Variants in CDKL3 observed in about 807,000 individuals in gnomAD.
CDKL3 encodes cyclin dependent kinase like 3, also known as cyclin-dependent kinase-like 3.
Under a neutral mutation model 69.3 loss-of-function variants are expected in CDKL3, and 65 were observed. The observed-to-expected ratio is 0.94, with a 90% CI of 0.77 to 1.15. The LOEUF is 1.15. Among genes scored for constraint, CDKL3 ranks in the 50% most tolerant of loss-of-function variants. The probability of loss-of-function intolerance (pLI) is 0.00; values close to 1 mark genes in which losing one functional copy is unlikely to be tolerated. For missense variants in CDKL3, 652 were observed against 689.2 expected, an observed-to-expected ratio of 0.95 and a Z score of 0.61; for synonymous variants, 202 against 221.6, an observed-to-expected ratio of 0.91 and a Z score of 0.79.
chr5:134,368,351 G>A (rs890052947), upstream of CDKL3, among the ~76,000 whole-genome samples: 2 of 152,218 alleles, frequency 1.3e-5, no homozygotes, highest in Non-Finnish European at 2.9e-5. Flanking sequence ...GGGCGCAGTG[G>A]CTAACGCCTG....
intron 4 of CDKL3, among the ~76,000 whole-genome samples, chr5:134,327,925 G>C (rs1447464891): frequency 6.6e-6 from 1 of 152,136 alleles, no homozygotes; most frequent in East Asian, 1.9e-4. Flanking sequence ...AGCAACTAAA[G>C]AGGTTTAATA....
At chr5:134,320,069 G>A (rs1178452469) in intron 5 of CDKL3, among the ~76,000 whole-genome samples, 1 of 152,106 alleles carries the variant, frequency 6.6e-6, no homozygotes, top group Non-Finnish European at 1.5e-5. Flanking sequence ...TTTCTCATCT[G>A]TGAAATGATA....
chr5:134,354,760 A>C (rs554615148), intron 3 of CDKL3, among the ~76,000 whole-genome samples: 1 of 152,256 alleles, frequency 6.6e-6, no homozygotes, highest in East Asian at 1.9e-4. Context: ...CATCCTGGCC[A>C]ACATGGTGAA....
chr5:134,364,411 T>C (rs536632867), intron 2 of CDKL3, among the ~76,000 whole-genome samples: 1 of 152,348 alleles, frequency 6.6e-6, no homozygotes, highest in South Asian at 2.1e-4. Flanking sequence ...TCCCAAACCA[T>C]GTCTCTTTTG....
Position 134,308,377 on chromosome 5 carries a change from CT to C in CDKL3, c.1124del (p.Lys375ArgfsTer27), listed in dbSNP as rs1561516867. ...GGRGDISEPKKKEYEGGLGQQ... is the reference protein window; with the variant it reads ...GGRGDISEPKXKEYEGGLGQQ... Reference sequence around the variant, plus strand: ...GACCAAGTCCACCTTCATACTCTTTCTTTTTTGGTTCTGAGATATCTCCTCT... The same window carrying C: ...GACCAAGTCCACCTTCATACTCTTTCTTTTTGGTTCTGAGATATCTCCTCT... On this transcript the variant is annotated frameshift_variant, in exon 9 of 13. Transcript: ENST00000265334. LOFTEE classifies it high-confidence loss of function. 6.2e-7 allele frequency: 1 copy of C among 1,613,818 alleles called. No individual in the cohort carries two copies. Among genetic ancestry groups the C allele is most frequent in the East Asian group, 2.2e-5 (1 of 44,868 alleles).
chr5:134,298,303 A>G, downstream of CDKL3: 1 of 1,024,358 alleles, frequency 9.8e-7, no homozygotes, highest in Non-Finnish European at 1.2e-6. Flanking sequence ...TGTGTGTTAT[A>G]GGAGATAACT....
intron 5 of CDKL3, 88 bp downstream of exon 5, chr5:134,321,703 C>G: frequency 2.7e-6 from 2 of 746,846 alleles, no homozygotes; most frequent in Non-Finnish European, 4.6e-6. Flanking sequence ...TGTACTTACA[C>G]AGAAAAGCTA....
intron 3 of CDKL3, among the ~76,000 whole-genome samples, chr5:134,354,153 T>C (rs753495137): frequency 4.6e-5 from 7 of 152,174 alleles, no homozygotes; most frequent in Admixed American, 2.0e-4. Context: ...TCCCCCTTCA[T>C]AGCATCTGTC....
chr5:134,293,416 T>A (rs1465943659), intron 8 of CDKL3, among the ~76,000 whole-genome samples: 1 of 152,126 alleles, frequency 6.6e-6, no homozygotes, highest in Non-Finnish European at 1.5e-5. Context: ...AGGAGAATAC[T>A]TCCTAATTCA....
At chr5:134,286,229 G>T (rs764035973), downstream of CDKL3, 6 of 152,280 alleles carry the variant, frequency 3.9e-5, no homozygotes, top group Non-Finnish European at 7.3e-5. Context: ...GCAAAATGCT[G>T]CCAATCTCTT....
At position 134,360,749 on chromosome 5, in the gene CDKL3, G is replaced by T. The variant is rs970527941; in HGVS notation, c.166-658C>A. On this transcript the variant is annotated intron_variant, in intron 2 of 12. Coordinates refer to ENST00000265334, the MANE Select transcript of CDKL3 (RefSeq NM_001113575.2). ...AAATTTAACACCCAAAATTTAAAAG[G>T]CCCTTATGTTTTCAAATGAGCATGG... Among the ~76,000 whole-genome samples the T allele has an allele frequency of 6.2e-4, 94 of 152,006 alleles. 6 individuals carry two copies.
chr5:134,304,643 C>T, intron 10 of CDKL3, 76 bp from the exon 11 acceptor site: 1 of 1,181,718 alleles, frequency 8.5e-7, no homozygotes, highest in South Asian at 1.5e-5. Flanking sequence ...AATTGCTAGC[C>T]ATTTGGATGG....
downstream of CDKL3, among the ~76,000 whole-genome samples, chr5:134,297,517 T>C (rs915248447): frequency 1.3e-5 from 2 of 152,134 alleles, no homozygotes; most frequent in African/African-American, 4.8e-5. Flanking sequence ...AGTGCTTTCA[T>C]TGCTGACCAA....
chr5:134,292,508 A>G (rs143205211), intron 8 of CDKL3, among the ~76,000 whole-genome samples: 34 of 152,246 alleles, frequency 2.2e-4, no homozygotes, highest in African/African-American at 7.7e-4. Context: ...AAAGGTCTCA[A>G]ATCAATGACC....
chr5:134,299,200 G>T (rs1242301461), intron 12 of CDKL3, among the ~76,000 whole-genome samples: 1 of 152,134 alleles, frequency 6.6e-6, no homozygotes, highest in African/African-American at 2.4e-5. Flanking sequence ...CAATCTTCAT[G>T]ATATGTTTAA....
chr5:134,306,751 T>A (rs746697624), intron 9 of CDKL3, 49 bp from the exon 10 acceptor site: 231 of 222,840 alleles, frequency 1.0e-3, no homozygotes, highest in Admixed American at 4.4e-3. Context: ...CCAGAAATGC[T>A]TTTTTTTTTT....
At chr5:134,329,369 A>G (rs1775176084) in intron 4 of CDKL3, among the ~76,000 whole-genome samples, 1 of 152,150 alleles carries the variant, frequency 6.6e-6, no homozygotes, top group South Asian at 2.1e-4. Context: ...GAAAAAACAA[A>G]GAGCACTGGT....
In CDKL3 at chr5:134,306,591, T is replaced by C. The variant is rs1167938578; in HGVS notation, c.1458+18A>G. ...TGTTAAAAGAGGCCATATTTTAATG[T>C]GTAGCTTCTTGCCTTACTTGAATAG... is the stretch of plus-strand genomic sequence containing the variant. On this transcript the variant is annotated intron_variant, in intron 10 of 12. Coordinates refer to ENST00000265334, the MANE Select transcript of CDKL3 (RefSeq NM_001113575.2). The C allele has an allele frequency of 1.4e-6, 2 of 1,402,866 alleles. No individual in the cohort carries two copies. The highest frequency in any genetic ancestry group is 2.8e-5 in the African/African-American group (2 of 70,226). 86.9% of individuals were successfully genotyped at this position (1,402,866 alleles called of 1,614,324 possible).
chr5:134,304,358 T>A, intron 11 of CDKL3, 47 bp downstream of exon 11: 1 of 1,417,060 alleles, frequency 7.1e-7, no homozygotes, highest in East Asian at 2.4e-5. Flanking sequence ...GAAAAAATCT[T>A]ATAAATGATA....
Sources: gnomAD v4.1 joint callset for allele counts (sites outside exome capture counted in the v4.1 genomes callset) on GRCh38, gnomAD v4.1.1 for gene constraint, MANE v1.5 for transcripts, NCBI Gene and HGNC (gene_info 2026-07-23, HGNC 2026-07-21) for gene names.